CTNNA2: variants seen among roughly 807,000 people sequenced by gnomAD.
The protein encoded by CTNNA2 is catenin alpha 2, also known as catenin alpha-2.
A neutral mutation model predicts 101.0 loss-of-function variants in CTNNA2; 42 were observed. That is an observed-to-expected ratio of 0.42 (90% CI 0.32 to 0.54). The LOEUF is 0.54. CTNNA2 is among the 20% of genes least tolerant of loss of function. The probability of loss-of-function intolerance (pLI) is 0.14; values close to 1 mark genes in which losing one functional copy is unlikely to be tolerated. For missense variants in CTNNA2, 871 were observed against 1,223.1 expected, an observed-to-expected ratio of 0.71 and a Z score of 4.29; for synonymous variants, 450 against 456.4, an observed-to-expected ratio of 0.99 and a Z score of 0.18.
intron 7 of CTNNA2, among the ~76,000 whole-genome samples, chr2:80,120,349 G>A (rs1701761630): frequency 6.6e-6 from 1 of 152,088 alleles, no homozygotes; most frequent in Non-Finnish European, 1.5e-5. Context: ...GTGGTATTTG[G>A]ATTTTGCTGA....
chr2:79,316,812 A>G (rs961831381), intron 3 of CTNNA2, among the ~76,000 whole-genome samples: 8 of 152,022 alleles, frequency 5.3e-5, no homozygotes, highest in Admixed American at 3.9e-4. Context: ...TGTGAATTTC[A>G]TAAGATTTTT....
intron 7 of CTNNA2, chr2:80,162,686 G>A: frequency 6.2e-7 from 1 of 1,612,710 alleles, no homozygotes; most frequent in South Asian, 1.1e-5. Flanking sequence ...GGCGCCACTG[G>A]GAGCTTGAAG....
chr2:80,045,471 G>A (rs914023689), intron 7 of CTNNA2, among the ~76,000 whole-genome samples: 4 of 152,138 alleles, frequency 2.6e-5, no homozygotes, highest in Non-Finnish European at 5.9e-5. Context: ...TGACAGATGC[G>A]TATTAAGTGT....
chr2:80,114,183 G>T (rs1573119974), intron 7 of CTNNA2, among the ~76,000 whole-genome samples: 1 of 152,134 alleles, frequency 6.6e-6, no homozygotes, highest in Non-Finnish European at 1.5e-5. Context: ...CCTCAGAGAA[G>T]ATGAAAAATA....
In CTNNA2 at chr2:79,660,677, G is replaced by A. The variant is rs976586785; in HGVS notation, c.102+9019G>A. 3.3e-5 allele frequency among the ~76,000 whole-genome samples: 5 copies of A among 152,190 alleles called. 1 individual carries two copies. The East Asian group carries it at 9.7e-4, about 29-fold the overall frequency. On this transcript the variant is annotated intron_variant, in intron 2 of 18. Transcript: ENST00000402739. The stretch of plus-strand genomic sequence containing the variant: ...TCTGAAATAGGAGTTTAATTAACCA[G>A]TGTGTAGTCTGGAATTAGATTAATT...
chr2:80,427,048 C>T (rs1212872731), intron 9 of CTNNA2, among the ~76,000 whole-genome samples: 1 of 152,036 alleles, frequency 6.6e-6, no homozygotes, highest in Non-Finnish European at 1.5e-5. Flanking sequence ...GGAAAGAGAT[C>T]AGGTCTAATT....
rs147019540 is a variant in CTNNA2 at position 79,973,226 on chromosome 2, A to C, written c.1056+63429A>C. On this transcript the variant is annotated intron_variant, in intron 7 of 18. Transcript: ENST00000402739. ...CTTTCTCTTGGTTATTTTTTTCCCT[A>C]TTCTAATCAAAATCAATGGCTGATG... Among the ~76,000 whole-genome samples the C allele has an allele frequency of 1.6e-4, 24 of 151,802 alleles. No individual in the cohort carries two copies. The East Asian group carries it at 3.7e-3, about 23-fold the overall frequency.
intron 1 of CTNNA2, among the ~76,000 whole-genome samples, chr2:79,628,021 T>C (rs1331419965): frequency 2.6e-5 from 4 of 152,226 alleles, no homozygotes; most frequent in Non-Finnish European, 4.4e-5. Flanking sequence ...CACATAAGTA[T>C]AGATAGTCCA....
At position 79,709,935 on chromosome 2, in the gene CTNNA2, G is replaced by A. The variant is rs186722435; in HGVS notation, c.103-34452G>A. ...GTCAGGAGTGGGCATTCAGGGGAGA[G>A]GAGAAAGTGGAATGAGCTCTGATTT... On this transcript the variant is annotated intron_variant, in intron 2 of 18. Coordinates refer to ENST00000402739, the MANE Select transcript of CTNNA2 (RefSeq NM_001282597.3). Among the ~76,000 whole-genome samples, 146 of 152,214 alleles carry A rather than the reference G, an allele frequency of 9.6e-4. 1 individual carries two copies. Among genetic ancestry groups the A allele is most frequent in the African/African-American group, 3.4e-3 (141 of 41,550 alleles).
intron 3 of CTNNA2, among the ~76,000 whole-genome samples, chr2:79,839,134 T>A (rs947703776): frequency 4.6e-5 from 7 of 152,106 alleles, no homozygotes; most frequent in African/African-American, 2.4e-5. Flanking sequence ...CAGTAAGTGG[T>A]CTCATTTCTC....
chr2:79,996,961 A>G (rs1225930817), intron 7 of CTNNA2, among the ~76,000 whole-genome samples: 1 of 152,118 alleles, frequency 6.6e-6, no homozygotes, highest in Non-Finnish European at 1.5e-5. Context: ...GTGGTGTGGA[A>G]CTGTGCCCTA....
At chr2:79,542,032 T>C (rs1673456362) in intron 1 of CTNNA2, among the ~76,000 whole-genome samples, 1 of 152,182 alleles carries the variant, frequency 6.6e-6, no homozygotes, top group African/African-American at 2.4e-5. Flanking sequence ...TCTGGCCTTA[T>C]AATTTCTTTT....
chr2:79,510,662 C>G (rs537974325), upstream of CTNNA2, among the ~76,000 whole-genome samples: 2 of 152,318 alleles, frequency 1.3e-5, no homozygotes, highest in East Asian at 3.9e-4. Context: ...GATTGACAGA[C>G]CACAGTTTGA....
chr2:79,239,908 T>C (rs1372053703), intron 2 of CTNNA2, among the ~76,000 whole-genome samples: 1 of 151,086 alleles, frequency 6.6e-6, no homozygotes, highest in East Asian at 2.0e-4. Flanking sequence ...AGTAGAGGAA[T>C]ACATTTAGGC....
intron 9 of CTNNA2, among the ~76,000 whole-genome samples, chr2:80,497,535 T>C (rs1210393970): frequency 1.3e-5 from 2 of 152,202 alleles, no homozygotes; most frequent in African/African-American, 4.8e-5. Flanking sequence ...CTACATACTG[T>C]ACTGCTGATG....
intron 9 of CTNNA2, among the ~76,000 whole-genome samples, chr2:80,501,835 T>C (rs952565886): frequency 1.3e-5 from 2 of 152,086 alleles, no homozygotes; most frequent in Non-Finnish European, 2.9e-5. Context: ...GTACTAAGTA[T>C]ATGGAAGGTG....
intron 7 of CTNNA2, among the ~76,000 whole-genome samples, chr2:80,183,690 T>A (rs1436563107): frequency 1.3e-5 from 2 of 152,218 alleles, no homozygotes; most frequent in Non-Finnish European, 2.9e-5. Flanking sequence ...TTGTATATTA[T>A]CATTCAGATG....
At chr2:79,828,549 T>G (rs546825930) in intron 3 of CTNNA2, among the ~76,000 whole-genome samples, 1 of 152,162 alleles carries the variant, frequency 6.6e-6, no homozygotes, top group East Asian at 1.9e-4. Context: ...AAAACTTACA[T>G]TAAAGATCAG....
intron 12 of CTNNA2, among the ~76,000 whole-genome samples, chr2:80,565,636 G>A (rs1693991927): frequency 6.6e-6 from 1 of 151,664 alleles, no homozygotes; most frequent in African/African-American, 2.4e-5. Flanking sequence ...AGAAAGTCAT[G>A]GTGTGAAGAC....
Sources: gnomAD v4.1 joint callset for allele counts (sites outside exome capture counted in the v4.1 genomes callset) on GRCh38, gnomAD v4.1.1 for gene constraint, MANE v1.5 for transcripts, NCBI Gene and HGNC (gene_info 2026-07-23, HGNC 2026-07-21) for gene names.